KCTD8: variants seen among roughly 807,000 people sequenced by gnomAD.
KCTD8 encodes BTB/POZ domain-containing protein KCTD8.
KCTD8 carries 27 observed loss-of-function variants against 31.5 expected under a neutral mutation model. The observed-to-expected ratio is 0.86, with a 90% CI of 0.63 to 1.18. The LOEUF (loss-of-function observed/expected upper bound fraction) is 1.18, where lower values mean the gene tolerates loss of function less well. Ranked by LOEUF, KCTD8 falls within the 50% of genes most tolerant of loss-of-function variation. The pLI is 0.00. For missense variants in KCTD8, 658 were observed against 647.7 expected (o/e 1.02, Z -0.17); for synonymous variants, 290 against 280.0 (o/e 1.04, Z -0.36).
intron 1 of KCTD8, among the ~76,000 whole-genome samples, chr4:44,248,098 T>A (rs1279294441): frequency 6.6e-6 from 1 of 151,934 alleles, no homozygotes; most frequent in African/African-American, 2.4e-5. Context: ...TCAGCATGAC[T>A]TTTTTAACAC....
chr4:44,187,794 T>C (rs1713631186), intron 1 of KCTD8, among the ~76,000 whole-genome samples: 1 of 151,980 alleles, frequency 6.6e-6, no homozygotes, highest in African/African-American at 2.4e-5. Context: ...TTAATATAGG[T>C]TGGGGGTACA....
intron 1 of KCTD8, among the ~76,000 whole-genome samples, chr4:44,238,432 G>A (rs1190140150): frequency 3.9e-5 from 6 of 152,096 alleles, no homozygotes; most frequent in Non-Finnish European, 1.5e-5. Context: ...CATGAAAGTA[G>A]AGACTACATG....
chr4:44,241,886 G>T (rs953920389), intron 1 of KCTD8, among the ~76,000 whole-genome samples: 4 of 152,146 alleles, frequency 2.6e-5, no homozygotes, highest in African/African-American at 9.7e-5. Context: ...ATACCTGCCT[G>T]CTCTTTATTG....
At chr4:44,437,262 C>T (rs1488897975) in intron 1 of KCTD8, among the ~76,000 whole-genome samples, 1 of 152,072 alleles carries the variant, frequency 6.6e-6, no homozygotes, top group Non-Finnish European at 1.5e-5. Context: ...CAACTTGTAT[C>T]TTATGTATCT....
chr4:44,321,101 T>A (rs1353434886), intron 1 of KCTD8, among the ~76,000 whole-genome samples: 1 of 152,230 alleles, frequency 6.6e-6, no homozygotes, highest in African/African-American at 2.4e-5. Context: ...GTGAATACTT[T>A]CTACCTTGTT....
intron 1 of KCTD8, among the ~76,000 whole-genome samples, chr4:44,424,170 G>A (rs1215173475): frequency 6.6e-6 from 1 of 152,018 alleles, no homozygotes; most frequent in Non-Finnish European, 1.5e-5. Context: ...ATGTTTACCA[G>A]TATGGGTTAG....
At chr4:44,279,987 T>A (rs943737516) in intron 1 of KCTD8, among the ~76,000 whole-genome samples, 3 of 152,120 alleles carry the variant, frequency 2.0e-5, no homozygotes, top group African/African-American at 7.2e-5. Flanking sequence ...TATTTTTTTA[T>A]GATCAAGTTA....
chr4:44,190,932 A>G (rs1713746657), intron 1 of KCTD8, among the ~76,000 whole-genome samples: 1 of 152,226 alleles, frequency 6.6e-6, no homozygotes. Flanking sequence ...TTGAAATATA[A>G]CAGACCTCTC....
intron 1 of KCTD8, among the ~76,000 whole-genome samples, chr4:44,253,799 AT>A (rs1715911520): frequency 6.6e-6 from 1 of 151,828 alleles, no homozygotes; most frequent in South Asian, 2.1e-4. Context: ...AATAAATAAT[AT>A]TTTTTATTTT....
intron 1 of KCTD8, among the ~76,000 whole-genome samples, chr4:44,200,444 A>G (rs965681940): frequency 6.6e-6 from 1 of 152,096 alleles, no homozygotes; most frequent in African/African-American, 2.4e-5. Flanking sequence ...CAGCACAATA[A>G]CAAGTTAATA....
chr4:44,348,623 T>A (rs376626868), intron 1 of KCTD8, among the ~76,000 whole-genome samples: 1 of 152,190 alleles, frequency 6.6e-6, no homozygotes, highest in Non-Finnish European at 1.5e-5. Context: ...AGAAAAGCTA[T>A]ACGTATTGCT....
Position 44,447,866 on chromosome 4 carries a change from C to T in KCTD8, c.658G>A (p.Val220Met), listed in dbSNP as rs764817862. The change falls in exon 1 of 2, where the codon GTG (valine) becomes ATG (methionine). Residue 220 changes from valine to methionine, a missense_variant. Transcript: ENST00000360029. ...TTGGCGTCGGCCTGGTTGTCGCGCA[C>T]GGTGGTGTAGGAGCCCCGGTAGCCC... ...TLGYRGSYTT[V>M]RDNQADAKFR... The T allele has an allele frequency of 2.5e-6, 4 of 1,569,818 alleles. No individual in the cohort carries two copies. The highest frequency in any genetic ancestry group is 3.5e-6 in the Non-Finnish European group (4 of 1,155,938).
chr4:44,211,444 T>C (rs914970387), intron 1 of KCTD8, among the ~76,000 whole-genome samples: 1 of 152,214 alleles, frequency 6.6e-6, no homozygotes, highest in East Asian at 1.9e-4. Context: ...TTACAACTCA[T>C]TAGTCTTTCT....
intron 1 of KCTD8, among the ~76,000 whole-genome samples, chr4:44,292,803 T>A (rs370467568): frequency 6.6e-6 from 1 of 152,284 alleles, no homozygotes; most frequent in African/African-American, 2.4e-5. Flanking sequence ...CTAATCATTA[T>A]AGAATTTCCT....
intron 1 of KCTD8, among the ~76,000 whole-genome samples, chr4:44,421,911 T>C (rs2109471338): frequency 6.6e-6 from 1 of 152,270 alleles, no homozygotes; most frequent in African/African-American, 2.4e-5. Context: ...TCTGTGTATC[T>C]GCTTTTATTT....
At chr4:44,208,851 C>T (rs2109342585) in intron 1 of KCTD8, among the ~76,000 whole-genome samples, 1 of 152,208 alleles carries the variant, frequency 6.6e-6, no homozygotes, top group African/African-American at 2.4e-5. Context: ...TGCTTGTTGG[C>T]TCTGACTTGG....
chr4:44,270,947 G>C (rs568610109), intron 1 of KCTD8, among the ~76,000 whole-genome samples: 5 of 151,674 alleles, frequency 3.3e-5, no homozygotes, highest in Admixed American at 6.6e-5. Context: ...TCCTACATTC[G>C]TTTCATATTT....
intron 1 of KCTD8, among the ~76,000 whole-genome samples, chr4:44,340,180 T>C (rs1036471758): frequency 2.0e-5 from 3 of 152,194 alleles, no homozygotes; most frequent in African/African-American, 7.2e-5. Flanking sequence ...CATAATTTGA[T>C]ACAACTCTAC....
chr4:44,376,010 A>T (rs1360634369), intron 1 of KCTD8, among the ~76,000 whole-genome samples: 1 of 152,058 alleles, frequency 6.6e-6, no homozygotes, highest in African/African-American at 2.4e-5. Context: ...GGGAGTGATT[A>T]TGTGGTTGGA....
Sources: allele counts gnomAD v4.1 joint callset (sites outside exome capture counted in the v4.1 genomes callset), GRCh38; gene constraint gnomAD v4.1.1; transcripts MANE v1.5; gene names NCBI Gene and HGNC (gene_info 2026-07-23, HGNC 2026-07-21).